The following WWOX variants were observed in gnomAD, a reference collection of about 807,000 sequenced individuals.
The protein encoded by WWOX is WW domain containing oxidoreductase, also known as WW domain-containing oxidoreductase.
In WWOX, 69 loss-of-function variants were observed where a neutral mutation model predicts 46.2. The observed-to-expected ratio is 1.49, with a 90% CI of 1.23 to 1.82. WWOX has a LOEUF of 1.82. WWOX is among the 40% of genes most tolerant of loss of function. The probability of loss-of-function intolerance (pLI) is 0.00; values close to 1 mark genes in which losing one functional copy is unlikely to be tolerated. For missense variants in WWOX, 919 were observed against 542.6 expected (o/e 1.69, Z -6.89); for synonymous variants, 359 against 202.6 (o/e 1.77, Z -6.56).
intron 8 of WWOX, among the ~76,000 whole-genome samples, chr16:79,171,947 G>A (rs1229977824): frequency 6.6e-6 from 1 of 152,164 alleles, no homozygotes; most frequent in Non-Finnish European, 1.5e-5. Flanking sequence ...TTCGATATAC[G>A]CATAAGCTTG....
chr16:78,794,415 C>T (rs1597620896), intron 8 of WWOX, among the ~76,000 whole-genome samples: 1 of 152,176 alleles, frequency 6.6e-6, no homozygotes, highest in Non-Finnish European at 1.5e-5. Flanking sequence ...TAAATAAAAG[C>T]TACCCAGCTT....
At chr16:78,855,824 C>T (rs2052553141) in intron 8 of WWOX, among the ~76,000 whole-genome samples, 1 of 152,212 alleles carries the variant, frequency 6.6e-6, no homozygotes, top group Admixed American at 6.5e-5. Context: ...CTGACTTCCA[C>T]CTTGGGTCTG....
chr16:78,330,509 G>T (rs1162728702), intron 5 of WWOX, among the ~76,000 whole-genome samples: 1 of 151,898 alleles, frequency 6.6e-6, no homozygotes, highest in Admixed American at 6.5e-5. Context: ...CAATTCTCCT[G>T]CCTCAGCCTC....
chr16:78,496,759 A>G (rs1358370065), intron 8 of WWOX, among the ~76,000 whole-genome samples: 1 of 152,218 alleles, frequency 6.6e-6, no homozygotes, highest in Non-Finnish European at 1.5e-5. Flanking sequence ...GTGTGTTTGC[A>G]TTTGCTGTGC....
At chr16:78,175,014 T>TAATAATAAC (rs2035289109) in intron 5 of WWOX, among the ~76,000 whole-genome samples, 2 of 145,928 alleles carry the variant, frequency 1.4e-5, no homozygotes, top group Admixed American at 1.4e-4. Context: ...ATAATAATAA[T>TAATAATAAC]AATAATAATA....
At position 78,356,011 on chromosome 16, in the gene WWOX, T is replaced by C. The variant is rs1031038982; in HGVS notation, c.517-30849T>C. Among the ~76,000 whole-genome samples the C allele has an allele frequency of 2.0e-5, 3 of 148,368 alleles. No homozygotes were observed. The South Asian group carries it at 6.5e-4, about 32-fold the overall frequency. On this transcript the variant is annotated intron_variant, in intron 5 of 8. Coordinates refer to ENST00000566780, the MANE Select transcript of WWOX (RefSeq NM_016373.4). Reference sequence around the variant, plus strand: ...ATAATTCACAACTTCTTAAGCTAAATGGTATTTTCGTTTTTCTCAAGCTCT... The same window carrying C: ...ATAATTCACAACTTCTTAAGCTAAACGGTATTTTCGTTTTTCTCAAGCTCT...
intron 5 of WWOX, among the ~76,000 whole-genome samples, chr16:78,239,006 C>T (rs1330455094): frequency 1.3e-5 from 2 of 152,166 alleles, no homozygotes; most frequent in African/African-American, 4.8e-5. Context: ...TTTGCATCAC[C>T]TCTCCACTTC....
intron 8 of WWOX, among the ~76,000 whole-genome samples, chr16:78,587,329 G>C (rs143669161): frequency 1.0e-3 from 157 of 151,672 alleles, no homozygotes; most frequent in African/African-American, 3.7e-3. Flanking sequence ...CACTGCGTGA[G>C]GCCCAGTTAG....
At chr16:78,764,006 C>T (rs777809655) in intron 8 of WWOX, among the ~76,000 whole-genome samples, 1 of 152,144 alleles carries the variant, frequency 6.6e-6, no homozygotes, top group African/African-American at 2.4e-5. Context: ...TGGGCCTCTG[C>T]CCAGATCATG....
chr16:78,816,915 A>T (rs1272178718), intron 8 of WWOX, among the ~76,000 whole-genome samples: 2 of 152,188 alleles, frequency 1.3e-5, no homozygotes, highest in African/African-American at 4.8e-5. Flanking sequence ...CCAAGATTCC[A>T]TTGCAAGTCC....
At chr16:78,788,851 C>G (rs1597611770) in intron 8 of WWOX, among the ~76,000 whole-genome samples, 2 of 152,296 alleles carry the variant, frequency 1.3e-5, no homozygotes, top group African/African-American at 4.8e-5. Flanking sequence ...CAACCTCCAA[C>G]TAACTCCACG....
At chr16:78,286,361 C>T (rs2079766669) in intron 5 of WWOX, among the ~76,000 whole-genome samples, 1 of 152,200 alleles carries the variant, frequency 6.6e-6, no homozygotes, top group Non-Finnish European at 1.5e-5. Flanking sequence ...ATTGCAGCCC[C>T]AGATGAGGTG....
intron 8 of WWOX, among the ~76,000 whole-genome samples, chr16:78,541,216 T>TGTAATCCC (rs1283322363): frequency 3.3e-5 from 5 of 151,998 alleles, no homozygotes; most frequent in African/African-American, 1.2e-4. Flanking sequence ...GGCTCACGCC[T>TGTAATCCC]GTAATCCCAG....
rs577447420 is a variant in WWOX at position 78,782,556 on chromosome 16, G to A, written c.1056+349804G>A. ...GAGTGATGGACCAAAAATTATTAAT[G>A]CATTCCCTTCCGTCCACCAGCCAAA... On this transcript the variant is annotated intron_variant, in intron 8 of 8. Coordinates refer to ENST00000566780, the MANE Select transcript of WWOX (RefSeq NM_016373.4). Among the ~76,000 whole-genome samples, 4 of 152,104 alleles carry A rather than the reference G, an allele frequency of 2.6e-5. No individual in the cohort carries two copies. The East Asian group carries it at 7.7e-4, about 29-fold the overall frequency.
chr16:78,992,647 C>T (rs1478294836), intron 8 of WWOX, among the ~76,000 whole-genome samples: 2 of 152,156 alleles, frequency 1.3e-5, no homozygotes, highest in African/African-American at 4.8e-5. Context: ...ATCTTAATGT[C>T]TGTTGTGGAA....
chr16:78,939,749 A>G (rs1427233572), intron 8 of WWOX, among the ~76,000 whole-genome samples: 1 of 152,340 alleles, frequency 6.6e-6, no homozygotes, highest in South Asian at 2.1e-4. Flanking sequence ...TGGGTAACCC[A>G]GCCCCTTTTA....
intron 8 of WWOX, among the ~76,000 whole-genome samples, chr16:78,636,562 C>T (rs564252915): frequency 6.6e-6 from 1 of 152,110 alleles, no homozygotes; most frequent in Non-Finnish European, 1.5e-5. Flanking sequence ...ATTCTCAGTC[C>T]TTTTGCTTAC....
chr16:78,995,083 G>T (rs997563290), intron 8 of WWOX, among the ~76,000 whole-genome samples: 1 of 151,210 alleles, frequency 6.6e-6, no homozygotes, highest in African/African-American at 2.4e-5. Flanking sequence ...GGATGCCGAG[G>T]AGTTCACTGT....
intron 4 of WWOX, chr16:78,123,109 A>G (rs546245730): frequency 1.3e-5 from 2 of 152,256 alleles, no homozygotes; most frequent in South Asian, 2.1e-4. Context: ...TAGGTCTTCT[A>G]ATTCTCTGTG....
Sources: allele counts gnomAD v4.1 joint callset (sites outside exome capture counted in the v4.1 genomes callset), GRCh38; gene constraint gnomAD v4.1.1; transcripts MANE v1.5; gene names NCBI Gene and HGNC (gene_info 2026-07-23, HGNC 2026-07-21).